PRKG1: variants seen among roughly 807,000 people sequenced by gnomAD.
The protein encoded by PRKG1 is cGMP-dependent protein kinase 1.
PRKG1 carries 35 observed loss-of-function variants against 88.1 expected under a neutral mutation model. The ratio of observed to expected loss-of-function variants is 0.40; its 90% CI spans 0.30 to 0.53. The LOEUF (loss-of-function observed/expected upper bound fraction) is 0.53, where lower values mean the gene tolerates loss of function less well. Ranked by LOEUF, PRKG1 falls within the 20% of genes least tolerant of loss-of-function variation. The pLI, the probability that PRKG1 is intolerant of heterozygous loss-of-function variation, is 0.59. For synonymous variants in PRKG1, 303 were observed against 292.5 expected, an observed-to-expected ratio of 1.04 and a Z score of -0.37; for missense variants, 540 against 839.8, an observed-to-expected ratio of 0.64 and a Z score of 4.41.
At chr10:51,104,875 G>A (rs902344400) in intron 1 of PRKG1, among the ~76,000 whole-genome samples, 13 of 151,848 alleles carry the variant, frequency 8.6e-5, no homozygotes, top group Middle Eastern at 3.2e-3. Context: ...GATTACAGGC[G>A]GGTGGCACCA....
intron 3 of PRKG1, among the ~76,000 whole-genome samples, chr10:51,574,561 A>G (rs1251299159): frequency 6.6e-6 from 1 of 151,958 alleles, no homozygotes; most frequent in Non-Finnish European, 1.5e-5. Context: ...GAGGCTTTAG[A>G]TTCAATTGCT....
chr10:51,489,157 C>G (rs1446307619), intron 3 of PRKG1, among the ~76,000 whole-genome samples: 1 of 152,114 alleles, frequency 6.6e-6, no homozygotes, highest in African/African-American at 2.4e-5. Context: ...TCAAAGACTT[C>G]ACCATAGAAT....
chr10:51,743,711 AAT>A (rs202116169), intron 3 of PRKG1, among the ~76,000 whole-genome samples: 3,172 of 115,138 alleles, frequency 0.028, 259 homozygotes, highest in African/African-American at 0.098. Context: ...ATATAAACTA[AAT>A]ATATATATAT....
At chr10:51,027,256 T>C (rs531257025) in intron 1 of PRKG1, among the ~76,000 whole-genome samples, 2 of 152,312 alleles carry the variant, frequency 1.3e-5, no homozygotes, top group South Asian at 4.1e-4. Flanking sequence ...TAGCTGGCTT[T>C]AGCATCTCAT....
intron 2 of PRKG1, among the ~76,000 whole-genome samples, chr10:51,364,681 C>T (rs1842553231): frequency 6.6e-6 from 1 of 151,448 alleles, no homozygotes; most frequent in African/African-American, 2.4e-5. Flanking sequence ...TCAGGAAAAA[C>T]CTATAGATAG....
intron 6 of PRKG1, 33 bp downstream of exon 6, chr10:52,054,594 T>C: frequency 1.3e-6 from 2 of 1,590,388 alleles, no homozygotes; most frequent in South Asian, 1.1e-5. Context: ...AGTGATGCAC[T>C]AGGGGAGCCT....
At chr10:51,215,169 G>A (rs1362276882) in intron 2 of PRKG1, among the ~76,000 whole-genome samples, 1 of 152,160 alleles carries the variant, frequency 6.6e-6, no homozygotes, top group Non-Finnish European at 1.5e-5. Context: ...AAGGGTTAGT[G>A]TAAATTCATT....
At chr10:51,733,982 T>C (rs750063533) in intron 3 of PRKG1, among the ~76,000 whole-genome samples, 12 of 152,180 alleles carry the variant, frequency 7.9e-5, no homozygotes, top group Non-Finnish European at 1.8e-4. Context: ...GTTATTATTC[T>C]GTATTTAATT....
At chr10:51,654,187 T>G (rs1472341021) in intron 3 of PRKG1, among the ~76,000 whole-genome samples, 1 of 152,190 alleles carries the variant, frequency 6.6e-6, no homozygotes. Context: ...TTAATCCATT[T>G]TGAATTAATA....
intron 2 of PRKG1, among the ~76,000 whole-genome samples, chr10:51,305,009 A>G (rs1840999849): frequency 6.6e-6 from 1 of 152,112 alleles, no homozygotes; most frequent in South Asian, 2.1e-4. Context: ...TAGAAAATGA[A>G]GACTTTGTCA....
chr10:51,502,480 C>G (rs1262991126), intron 3 of PRKG1, among the ~76,000 whole-genome samples: 1 of 151,964 alleles, frequency 6.6e-6, no homozygotes, highest in Admixed American at 6.6e-5. Context: ...AGGAATGAGT[C>G]TATGTTTATT....
intron 7 of PRKG1, among the ~76,000 whole-genome samples, chr10:52,122,404 A>G (rs1406483036): frequency 6.6e-6 from 1 of 152,176 alleles, no homozygotes; most frequent in East Asian, 1.9e-4. Context: ...AAACCATAAC[A>G]CACCTATCGA....
At chr10:51,706,538 A>G (rs1841608741) in intron 3 of PRKG1, among the ~76,000 whole-genome samples, 1 of 152,134 alleles carries the variant, frequency 6.6e-6, no homozygotes, top group Admixed American at 6.6e-5. Context: ...TAATAGATAA[A>G]GAAAAGAAAA....
chr10:52,157,410 C>T (rs1838151213), intron 8 of PRKG1, among the ~76,000 whole-genome samples: 1 of 147,572 alleles, frequency 6.8e-6, no homozygotes, highest in African/African-American at 2.5e-5. Context: ...AGTGGTAATG[C>T]TGATCTCTGA....
intron 2 of PRKG1, among the ~76,000 whole-genome samples, chr10:51,334,390 C>G (rs1209338870): frequency 1.3e-5 from 2 of 151,976 alleles, no homozygotes; most frequent in Admixed American, 6.6e-5. Context: ...CTCTAGAATG[C>G]AAGTTATATG....
intron 1 of PRKG1, among the ~76,000 whole-genome samples, chr10:51,134,922 TG>T (rs1315419140): frequency 6.6e-6 from 1 of 152,168 alleles, no homozygotes; most frequent in African/African-American, 2.4e-5. Context: ...GAGACTCCTT[TG>T]GAAAATAATA....
At chr10:51,654,737 C>T (rs1840121535) in intron 3 of PRKG1, among the ~76,000 whole-genome samples, 1 of 151,964 alleles carries the variant, frequency 6.6e-6, no homozygotes, top group Non-Finnish European at 1.5e-5. Context: ...TAATAAATCA[C>T]CTATTTATTC....
At chr10:51,763,284 C>T (rs575107341) in intron 3 of PRKG1, among the ~76,000 whole-genome samples, 17 of 152,008 alleles carry the variant, frequency 1.1e-4, no homozygotes, top group East Asian at 3.9e-4. Flanking sequence ...AAGGCTAGAG[C>T]GTGGTGGCAC....
At chr10:51,650,634 G>A (rs186413398) in intron 3 of PRKG1, among the ~76,000 whole-genome samples, 8 of 152,274 alleles carry the variant, frequency 5.3e-5, no homozygotes, top group African/African-American at 1.4e-4. Context: ...TTCCTAGAGT[G>A]TGTTCCATGG....
Sources: allele counts gnomAD v4.1 joint callset (sites outside exome capture counted in the v4.1 genomes callset), GRCh38; gene constraint gnomAD v4.1.1; transcripts MANE v1.5; gene names NCBI Gene and HGNC (gene_info 2026-07-23, HGNC 2026-07-21).